The following PTBP2 variants were observed in gnomAD, a reference collection of about 807,000 sequenced individuals.
PTBP2 encodes the protein polypyrimidine tract-binding protein 2.
In PTBP2, 13 loss-of-function variants were observed where a neutral mutation model predicts 61.4. The observed-to-expected ratio is 0.21, with a 90% CI of 0.14 to 0.34. The LOEUF is 0.34. Among genes scored for constraint, PTBP2 ranks in the 10% least tolerant of loss-of-function variants. PTBP2 has a pLI of 1.00. For missense variants in PTBP2, 405 were observed against 642.6 expected (o/e 0.63, Z 4.00); for synonymous variants, 215 against 218.5 (o/e 0.98, Z 0.14).
chr1:96,796,163 G>A (rs2101128276), intron 8 of PTBP2, among the ~76,000 whole-genome samples: 1 of 151,860 alleles, frequency 6.6e-6, no homozygotes, highest in East Asian at 1.9e-4. Flanking sequence ...CAGAAATGTA[G>A]GTGCATTGGC....
chr1:96,778,004 T>A (rs1219124120), intron 7 of PTBP2, 58 bp downstream of exon 7: 9 of 854,538 alleles, frequency 1.1e-5, no homozygotes, highest in East Asian at 2.8e-5. Context: ...TGTAGAAAAA[T>A]ATATATATAT....
chr1:96,748,666 T>C (rs1478353109), intron 2 of PTBP2, among the ~76,000 whole-genome samples: 1 of 152,220 alleles, frequency 6.6e-6, no homozygotes, highest in African/African-American at 2.4e-5. Flanking sequence ...AAAAATTTTT[T>C]AAAGAGCATG....
At chr1:96,761,346 A>ATATGTG (rs375632927) in intron 3 of PTBP2, among the ~76,000 whole-genome samples, 7 of 140,480 alleles carry the variant, frequency 5.0e-5, no homozygotes, top group African/African-American at 1.3e-4. Flanking sequence ...GTGGGATTTG[A>ATATGTG]TGTGTGTGTG....
intron 2 of PTBP2, among the ~76,000 whole-genome samples, chr1:96,748,229 G>C (rs1654094449): frequency 6.6e-6 from 1 of 152,158 alleles, no homozygotes; most frequent in Non-Finnish European, 1.5e-5. Flanking sequence ...AGAGCCCAGA[G>C]ACTCTTGTCA....
At chr1:96,810,684 C>T (rs1476526423) in intron 11 of PTBP2, among the ~76,000 whole-genome samples, 3 of 152,132 alleles carry the variant, frequency 2.0e-5, no homozygotes, top group Non-Finnish European at 2.9e-5. Context: ...TTTCTGACAA[C>T]GTTAAGTCTA....
intron 8 of PTBP2, among the ~76,000 whole-genome samples, chr1:96,798,588 T>G (rs1226886580): frequency 1.2e-4 from 19 of 152,154 alleles, no homozygotes; most frequent in Admixed American, 1.2e-3. Context: ...AAATTTGACA[T>G]TGTTCAAAAT....
At chr1:96,779,716 T>C (rs556365702) in intron 7 of PTBP2, among the ~76,000 whole-genome samples, 4 of 152,212 alleles carry the variant, frequency 2.6e-5, no homozygotes, top group East Asian at 1.9e-4. Flanking sequence ...ACTTCACTTA[T>C]TACAGAAGGA....
chr1:96,792,939 C>T (rs1660005979), intron 8 of PTBP2, among the ~76,000 whole-genome samples: 1 of 152,034 alleles, frequency 6.6e-6, no homozygotes, highest in Admixed American at 6.5e-5. Context: ...AAAGTAATCA[C>T]ACATACCTAA....
chr1:96,763,356 A>G (rs1296063021), intron 3 of PTBP2, among the ~76,000 whole-genome samples: 2 of 151,908 alleles, frequency 1.3e-5, no homozygotes, highest in Non-Finnish European at 2.9e-5. Flanking sequence ...CTGGCGGATC[A>G]CTCGCGGTTA....
At chr1:96,756,056 G>A (rs1048243878) in intron 3 of PTBP2, among the ~76,000 whole-genome samples, 1 of 152,226 alleles carries the variant, frequency 6.6e-6, no homozygotes, top group Non-Finnish European at 1.5e-5. Flanking sequence ...ACTGCTCAGT[G>A]GAATGCAGAG....
At chr1:96,761,345 GAT>G (rs1491204220) in intron 3 of PTBP2, among the ~76,000 whole-genome samples, 13 of 80,926 alleles carry the variant, frequency 1.6e-4, no homozygotes, top group African/African-American at 4.9e-4. Context: ...TGTGGGATTT[GAT>G]GTGTGTGTGT....
chr1:96,807,457 TTAAA>T (rs1290681155), intron 11 of PTBP2, among the ~76,000 whole-genome samples: 6 of 152,342 alleles, frequency 3.9e-5, no homozygotes, highest in Admixed American at 2.6e-4. Flanking sequence ...ATATCATTAC[TTAAA>T]TAAGTAATTG....
chr1:96,794,442 ATATGAT>A (rs1347354129), intron 8 of PTBP2, among the ~76,000 whole-genome samples: 2 of 152,222 alleles, frequency 1.3e-5, no homozygotes, highest in Non-Finnish European at 2.9e-5. Context: ...AAAGTATAAA[ATATGAT>A]TCTTTCCAGG....
At chr1:96,733,427 C>G (rs1043951395) in intron 2 of PTBP2, among the ~76,000 whole-genome samples, 3 of 152,100 alleles carry the variant, frequency 2.0e-5, no homozygotes, top group Non-Finnish European at 2.9e-5. Context: ...ACCTGTAATC[C>G]CAGAACTTAG....
chr1:96,726,402 A>T (rs866942158), intron 2 of PTBP2, among the ~76,000 whole-genome samples: 51 of 147,768 alleles, frequency 3.5e-4, no homozygotes, highest in African/African-American at 1.2e-3. Context: ...CCTCCCTAGT[A>T]GCTGGGACTA....
At chr1:96,790,529 A>G (rs934929239) in intron 8 of PTBP2, among the ~76,000 whole-genome samples, 2 of 152,156 alleles carry the variant, frequency 1.3e-5, no homozygotes, top group African/African-American at 4.8e-5. Context: ...CCTTCTCTAC[A>G]TTAATTAGCT....
chr1:96,818,368 A>G (rs1393752393), downstream of PTBP2: 1 of 152,036 alleles, frequency 6.6e-6, no homozygotes, highest in Non-Finnish European at 1.5e-5. Flanking sequence ...CCTCCACCCA[A>G]TTCTCATCTC....
downstream of PTBP2, chr1:96,819,918 G>A (rs1465198380): frequency 6.6e-6 from 1 of 151,796 alleles, no homozygotes; most frequent in East Asian, 1.9e-4. Context: ...ATGTGATTCT[G>A]ATTCATATAG....
intron 2 of PTBP2, among the ~76,000 whole-genome samples, chr1:96,743,084 A>AGACCATTTTGGCT (rs1553173958): frequency 6.6e-6 from 1 of 152,016 alleles, no homozygotes; most frequent in African/African-American, 2.4e-5. Context: ...CAGGAGATCA[A>AGACCATTTTGGCT]GACCATTTTG....
Sources: gnomAD v4.1 joint callset for allele counts (sites outside exome capture counted in the v4.1 genomes callset) on GRCh38, gnomAD v4.1.1 for gene constraint, MANE v1.5 for transcripts, NCBI Gene and HGNC (gene_info 2026-07-23, HGNC 2026-07-21) for gene names.